The following CLYBL variants were observed in gnomAD, a reference collection of about 807,000 sequenced individuals.
CLYBL encodes citramalyl-CoA lyase, mitochondrial.
CLYBL carries 31 observed loss-of-function variants against 38.9 expected under a neutral mutation model. That is an observed-to-expected ratio of 0.80 (90% CI 0.60 to 1.08). The LOEUF (loss-of-function observed/expected upper bound fraction) is 1.08, where lower values mean the gene tolerates loss of function less well. Among genes scored for constraint, CLYBL ranks in the 50% least tolerant of loss-of-function variants. CLYBL has a pLI of 0.00. For synonymous variants in CLYBL, 171 were observed against 158.6 expected, an observed-to-expected ratio of 1.08 and a Z score of -0.59; for missense variants, 434 against 411.6, an observed-to-expected ratio of 1.05 and a Z score of -0.47.
intron 2 of CLYBL, among the ~76,000 whole-genome samples, chr13:99,823,667 A>C (rs1462483813): frequency 1.3e-5 from 2 of 152,204 alleles, no homozygotes; most frequent in Non-Finnish European, 1.5e-5. Flanking sequence ...TTATTGGTGA[A>C]TATTTCATTG....
chr13:99,898,593 G>A (rs923165223), downstream of CLYBL, among the ~76,000 whole-genome samples: 1 of 152,096 alleles, frequency 6.6e-6, no homozygotes, highest in African/African-American at 2.4e-5. Flanking sequence ...GCCTGCCCCC[G>A]CCCCTGTGTA....
At chr13:99,888,576 C>A (rs1199785077) in intron 7 of CLYBL, among the ~76,000 whole-genome samples, 1 of 151,940 alleles carries the variant, frequency 6.6e-6, no homozygotes, top group Non-Finnish European at 1.5e-5. Context: ...ATGGTGAAAC[C>A]CAGTCTCTAC....
chr13:99,718,822 C>T (rs187181461), intron 1 of CLYBL, among the ~76,000 whole-genome samples: 13 of 152,032 alleles, frequency 8.6e-5, no homozygotes, highest in Admixed American at 2.6e-4. Flanking sequence ...AATTCAGTCA[C>T]TCACTCAGCA....
At chr13:99,769,464 G>T (rs2049336588) in intron 1 of CLYBL, among the ~76,000 whole-genome samples, 1 of 152,192 alleles carries the variant, frequency 6.6e-6, no homozygotes, top group South Asian at 2.1e-4. Context: ...GATGAGCAGA[G>T]AATTTGCCCC....
chr13:99,695,015 GCCTCAGGTT>G (rs367999758), intron 1 of CLYBL, among the ~76,000 whole-genome samples: 278 of 152,272 alleles, frequency 1.8e-3, no homozygotes, highest in African/African-American at 6.4e-3. Flanking sequence ...GAAGTCCTTG[GCCTCAGGTT>G]CCTCATCCAT....
At chr13:99,741,009 C>T (rs1454129980) in intron 1 of CLYBL, among the ~76,000 whole-genome samples, 1 of 152,184 alleles carries the variant, frequency 6.6e-6, no homozygotes, top group African/African-American at 2.4e-5. Context: ...AAAATTGTTA[C>T]TGGAGACAAA....
intron 1 of CLYBL, among the ~76,000 whole-genome samples, chr13:99,727,816 G>A (rs1481831510): frequency 1.3e-5 from 2 of 152,132 alleles, no homozygotes; most frequent in Admixed American, 1.3e-4. Context: ...GGTGGCTCAT[G>A]CATGTAGTCC....
rs566590501 is a variant in CLYBL at position 99,848,183 on chromosome 13, C to T, written c.250-10678C>T. Among the ~76,000 whole-genome samples, 83 of 152,302 alleles carry T rather than the reference C, an allele frequency of 5.4e-4. 1 individual carries two copies. The highest frequency in any genetic ancestry group is 1.9e-3 in the African/African-American group (80 of 41,564). On this transcript the variant is annotated intron_variant, in intron 2 of 8. Coordinates refer to ENST00000339105, the MANE Select transcript of CLYBL (RefSeq NM_206808.5). Reference sequence around the variant, plus strand: ...TCCCAGACTCCCCTCCTCCAACCCCCTTCTCAGCTTGAGGTGCCGTCCCCT... The same window carrying T: ...TCCCAGACTCCCCTCCTCCAACCCCTTTCTCAGCTTGAGGTGCCGTCCCCT...
chr13:99,607,129 T>C (rs1318129925), intron 1 of CLYBL, among the ~76,000 whole-genome samples: 1 of 152,184 alleles, frequency 6.6e-6, no homozygotes, highest in Non-Finnish European at 1.5e-5. Flanking sequence ...TCCCAAACGG[T>C]TTGGTCTCAG....
chr13:99,744,293 G>A (rs1001217419), intron 1 of CLYBL, among the ~76,000 whole-genome samples: 7 of 152,186 alleles, frequency 4.6e-5, no homozygotes. Flanking sequence ...TCTTTAAAAT[G>A]TTGGAGGCCA....
intron 2 of CLYBL, among the ~76,000 whole-genome samples, chr13:99,853,831 C>T (rs748438940): frequency 1.2e-4 from 18 of 152,094 alleles, no homozygotes; most frequent in East Asian, 1.2e-3. Flanking sequence ...AGAATAAATT[C>T]GTTCCGTTTT....
intron 1 of CLYBL, among the ~76,000 whole-genome samples, chr13:99,630,727 C>A (rs566379153): frequency 1.3e-5 from 2 of 152,270 alleles, no homozygotes; most frequent in South Asian, 4.2e-4. Flanking sequence ...TCTGCCCTCT[C>A]TTAAATCCTG....
chr13:99,804,069 G>T (rs538469494), intron 2 of CLYBL, among the ~76,000 whole-genome samples: 1 of 152,362 alleles, frequency 6.6e-6, no homozygotes, highest in South Asian at 2.1e-4. Flanking sequence ...GAATCGTTCT[G>T]TGCTGCTTCA....
Position 99,772,731 on chromosome 13 carries a change from T to C in CLYBL, c.63-93T>C, listed in dbSNP as rs942000828. 9 of 1,024,430 alleles carry C rather than the reference T, an allele frequency of 8.8e-6. No individual in the cohort carries two copies. In the Middle Eastern group the frequency reaches 9.1e-4, roughly 104 times the overall value. The allele number at this position is 1,024,430 out of a possible 1,614,324, so 63.5% of individuals were successfully genotyped here. On this transcript the variant is annotated intron_variant, in intron 1 of 8. Coordinates refer to ENST00000339105, the MANE Select transcript of CLYBL (RefSeq NM_206808.5). ...AAAATAAAAAAAGATTATCCATGTGTTCTATTTTAATTTTGCATTAAAATA... is the reference window on the plus strand; with the variant it reads ...AAAATAAAAAAAGATTATCCATGTGCTCTATTTTAATTTTGCATTAAAATA...
In CLYBL at chr13:99,844,151, G is replaced by A. The variant is rs527605382; in HGVS notation, c.250-14710G>A. 1.2e-4 allele frequency among the ~76,000 whole-genome samples: 18 copies of A among 152,252 alleles called. No homozygotes were observed. In the East Asian group the frequency reaches 2.5e-3, roughly 21 times the overall value. ...ACAAAACAGTTTATTACAGGCTATC[G>A]GGTAACTCACCGACCCTCGAGGGTG... On this transcript the variant is annotated intron_variant, in intron 2 of 8. Transcript: ENST00000339105.
intron 1 of CLYBL, among the ~76,000 whole-genome samples, chr13:99,772,107 T>G (rs965532815): frequency 5.3e-5 from 8 of 151,856 alleles, no homozygotes; most frequent in African/African-American, 1.7e-4. Flanking sequence ...CTTCGTTAGT[T>G]TTTTTTTTCT....
Position 99,695,016 on chromosome 13 carries a change from C to T in CLYBL, c.63-77808C>T, listed in dbSNP as rs2047958172. 4.0e-5 allele frequency among the ~76,000 whole-genome samples: 6 copies of T among 151,612 alleles called. No individual in the cohort carries two copies. The South Asian group carries it at 1.2e-3, about 31-fold the overall frequency. On this transcript the variant is annotated intron_variant, in intron 1 of 8. Transcript: ENST00000339105. ...CTCAGCATGTTCGCGAAGTCCTTGGCCTCAGGTTCCTCATCCATCCCACCG... is the reference window on the plus strand; with the variant it reads ...CTCAGCATGTTCGCGAAGTCCTTGGTCTCAGGTTCCTCATCCATCCCACCG...
chr13:99,614,209 G>A (rs963514269), intron 1 of CLYBL, among the ~76,000 whole-genome samples: 2 of 152,118 alleles, frequency 1.3e-5, no homozygotes, highest in African/African-American at 4.8e-5. Flanking sequence ...GGTCCAAGAT[G>A]GTAGACCACA....
At chr13:99,797,974 G>T (rs1163213850) in intron 2 of CLYBL, among the ~76,000 whole-genome samples, 1 of 152,178 alleles carries the variant, frequency 6.6e-6, no homozygotes, top group Non-Finnish European at 1.5e-5. Context: ...ACTGCAATTT[G>T]CATCTTTAAA....
Sources: allele counts gnomAD v4.1 joint callset (sites outside exome capture counted in the v4.1 genomes callset), GRCh38; gene constraint gnomAD v4.1.1; transcripts MANE v1.5; gene names NCBI Gene and HGNC (gene_info 2026-07-23, HGNC 2026-07-21).